The following MMP16 variants were observed in gnomAD, a reference collection of about 807,000 sequenced individuals.
MMP16 encodes matrix metalloproteinase-16.
In MMP16, 12 loss-of-function variants were observed where a neutral mutation model predicts 67.8. The observed-to-expected ratio is 0.18, with a 90% CI of 0.11 to 0.29. MMP16 has a LOEUF of 0.29. Among genes scored for constraint, MMP16 ranks in the 10% least tolerant of loss-of-function variants. The pLI, the probability that MMP16 is intolerant of heterozygous loss-of-function variation, is 1.00. For missense variants in MMP16, 475 were observed against 765.7 expected (o/e 0.62, Z 4.48); for synonymous variants, 249 against 255.9 (o/e 0.97, Z 0.26).
intron 1 of MMP16, among the ~76,000 whole-genome samples, chr8:88,280,000 G>A (rs1241378695): frequency 6.6e-6 from 1 of 152,034 alleles, no homozygotes; most frequent in Non-Finnish European, 1.5e-5. Context: ...GAACCCCAGT[G>A]GTTCAGAATT....
chr8:88,156,376 G>T (rs895841464), intron 4 of MMP16, among the ~76,000 whole-genome samples: 4 of 151,982 alleles, frequency 2.6e-5, no homozygotes, highest in African/African-American at 9.7e-5. Flanking sequence ...TAAATCAATG[G>T]CAAAGCTACA....
intron 4 of MMP16, among the ~76,000 whole-genome samples, chr8:88,145,270 T>G (rs1453196384): frequency 1.3e-5 from 2 of 152,004 alleles, no homozygotes; most frequent in East Asian, 3.9e-4. Context: ...CATGTTCCTG[T>G]GCTGAAAACT....
At chr8:88,162,886 A>G (rs1454637186) in intron 4 of MMP16, among the ~76,000 whole-genome samples, 3 of 152,066 alleles carry the variant, frequency 2.0e-5, no homozygotes, top group Non-Finnish European at 2.9e-5. Context: ...TACAGCATGT[A>G]GAACTGTGAG....
chr8:88,296,778 G>GAGGTTGC (rs71277996), intron 1 of MMP16, among the ~76,000 whole-genome samples: 18,130 of 150,524 alleles, frequency 0.12, 1,190 homozygotes, highest in Non-Finnish European at 0.14. Context: ...TCAGGAGGTG[G>GAGGTTGC]AGGTTGCAGT....
At chr8:88,094,456 T>C (rs1486208522) in intron 6 of MMP16, among the ~76,000 whole-genome samples, 4 of 151,730 alleles carry the variant, frequency 2.6e-5, no homozygotes, top group Non-Finnish European at 5.9e-5. Flanking sequence ...TATTGCTTTA[T>C]TTTTAAAACT....
intron 1 of MMP16, among the ~76,000 whole-genome samples, chr8:88,274,797 A>C (rs1044620367): frequency 2.0e-5 from 3 of 152,026 alleles, no homozygotes; most frequent in Non-Finnish European, 4.4e-5. Context: ...ATCAAAAAAG[A>C]GATAATTACA....
intron 3 of MMP16, among the ~76,000 whole-genome samples, chr8:88,175,913 C>T (rs1257670420): frequency 6.6e-6 from 1 of 152,186 alleles, no homozygotes; most frequent in East Asian, 1.9e-4. Flanking sequence ...TTGCCTGCTG[C>T]CATGTAAGTT....
At chr8:88,120,693 C>T (rs1807815567) in intron 4 of MMP16, among the ~76,000 whole-genome samples, 1 of 151,976 alleles carries the variant, frequency 6.6e-6, no homozygotes, top group Non-Finnish European at 1.5e-5. Context: ...TCACCATGAA[C>T]AGCCTAGTCA....
At chr8:88,065,924 A>G (rs1424988270) in intron 7 of MMP16, among the ~76,000 whole-genome samples, 1 of 152,076 alleles carries the variant, frequency 6.6e-6, no homozygotes, top group Non-Finnish European at 1.5e-5. Context: ...CTCTCTTTTG[A>G]TACACATCTT....
intron 1 of MMP16, among the ~76,000 whole-genome samples, chr8:88,265,213 T>C (rs1290403053): frequency 7.1e-6 from 1 of 141,194 alleles, no homozygotes; most frequent in South Asian, 2.3e-4. Context: ...AGGGTAGAAA[T>C]GACCATTTCC....
chr8:88,266,762 T>C (rs1453351878), intron 1 of MMP16, among the ~76,000 whole-genome samples: 2 of 152,188 alleles, frequency 1.3e-5, no homozygotes, highest in African/African-American at 2.4e-5. Context: ...CGTTGTTTAA[T>C]GGGAGGCCCT....
chr8:88,268,951 C>G (rs1810521882), intron 1 of MMP16, among the ~76,000 whole-genome samples: 1 of 152,076 alleles, frequency 6.6e-6, no homozygotes, highest in African/African-American at 2.4e-5. Context: ...TATACAAATA[C>G]AGGATGAGTT....
intron 4 of MMP16, among the ~76,000 whole-genome samples, chr8:88,161,009 T>C (rs1429926796): frequency 1.3e-5 from 2 of 152,126 alleles, no homozygotes; most frequent in African/African-American, 4.8e-5. Context: ...TAAAATTCTC[T>C]TTTTTTGTTG....
Position 88,167,691 on chromosome 8 carries a change from T to C in MMP16, c.687A>G (p.Thr229=). ...DTHFDSDEPW[T]LGNPNHDGND... ...TACCATCATGATTAGGATTTCCTAG[T>C]GTCCATGGCTCATCTGAGTCAAAAT... Residue 229 remains threonine, a synonymous_variant, in exon 4 of 10, where the codon ACA becomes ACG. Coordinates refer to ENST00000286614, the MANE Select transcript of MMP16 (RefSeq NM_005941.5). 3 of 1,611,674 alleles carry C rather than the reference T, an allele frequency of 1.9e-6. No individual in the cohort carries two copies. The highest frequency in any genetic ancestry group is 1.1e-5 in the South Asian group (1 of 90,702).
At chr8:88,312,871 G>A (rs1388959986) in intron 1 of MMP16, among the ~76,000 whole-genome samples, 1 of 152,132 alleles carries the variant, frequency 6.6e-6, no homozygotes, top group Non-Finnish European at 1.5e-5. Context: ...GGGAGGCTGA[G>A]GCAGGAGAAT....
intron 4 of MMP16, among the ~76,000 whole-genome samples, chr8:88,131,760 C>T (rs1375527057): frequency 2.0e-5 from 3 of 151,854 alleles, no homozygotes; most frequent in African/African-American, 7.2e-5. Context: ...TTAATAGTTC[C>T]CCTAACAAAC....
chr8:88,307,373 T>C (rs573379045), intron 1 of MMP16, among the ~76,000 whole-genome samples: 1 of 152,198 alleles, frequency 6.6e-6, no homozygotes, highest in East Asian at 1.9e-4. Context: ...CTGGTTTTAT[T>C]TGAAAACAAA....
intron 1 of MMP16, among the ~76,000 whole-genome samples, chr8:88,218,747 C>T (rs1809633130): frequency 6.6e-6 from 1 of 151,886 alleles, no homozygotes; most frequent in South Asian, 2.1e-4. Context: ...GACAAAATGC[C>T]CTTGTGCTTA....
chr8:88,238,969 C>A (rs1809990227), intron 1 of MMP16, among the ~76,000 whole-genome samples: 2 of 152,104 alleles, frequency 1.3e-5, no homozygotes, highest in South Asian at 4.1e-4. Flanking sequence ...ACTAAAAATA[C>A]AAAAATATAA....
Sources: gnomAD v4.1 joint callset for allele counts (sites outside exome capture counted in the v4.1 genomes callset) on GRCh38, gnomAD v4.1.1 for gene constraint, MANE v1.5 for transcripts, NCBI Gene and HGNC (gene_info 2026-07-23, HGNC 2026-07-21) for gene names.